The following EML1 variants were observed in gnomAD, a reference collection of about 807,000 sequenced individuals.
EML1 encodes the protein echinoderm microtubule-associated protein-like 1.
Under a neutral mutation model 110.4 loss-of-function variants are expected in EML1, and 27 were observed. The observed-to-expected ratio is 0.24, with a 90% CI of 0.18 to 0.34. The LOEUF is 0.34. Among genes scored for constraint, EML1 ranks in the 10% least tolerant of loss-of-function variants. The pLI is 1.00. For missense variants in EML1, 741 were observed against 1,030.9 expected (o/e 0.72, Z 3.85); for synonymous variants, 344 against 385.8 (o/e 0.89, Z 1.27).
At chr14:99,778,480 TC>T (rs1339500901) in intron 1 of EML1, among the ~76,000 whole-genome samples, 1 of 152,244 alleles carries the variant, frequency 6.6e-6, no homozygotes, top group African/African-American at 2.4e-5. Context: ...GCCTCTGTTA[TC>T]CCACTGTAGT....
chr14:99,865,439 G>A, intron 2 of EML1, 75 bp from the exon 3 acceptor site: 1 of 1,585,822 alleles, frequency 6.3e-7, no homozygotes, highest in Admixed American at 1.7e-5. Context: ...CTAACAGGCA[G>A]TTGAGGACCC....
At chr14:99,853,923 G>A (rs532160775) in intron 2 of EML1, among the ~76,000 whole-genome samples, 10 of 152,186 alleles carry the variant, frequency 6.6e-5, no homozygotes, top group South Asian at 2.1e-4. Flanking sequence ...CGCCTGCCTC[G>A]GCCTCCCAAA....
At chr14:99,764,242 G>A (rs1159603420) in intron 1 of EML1, among the ~76,000 whole-genome samples, 1 of 152,210 alleles carries the variant, frequency 6.6e-6, no homozygotes, top group African/African-American at 2.4e-5. Flanking sequence ...AGCTCACAGA[G>A]GTCTCACAGC....
intron 1 of EML1, among the ~76,000 whole-genome samples, chr14:99,745,490 G>A (rs956857068): frequency 6.6e-6 from 1 of 152,350 alleles, no homozygotes; most frequent in East Asian, 1.9e-4. Flanking sequence ...ATCACACATT[G>A]CTTTGTATGA....
At chr14:99,845,805 C>T (rs1335329059) in intron 1 of EML1, among the ~76,000 whole-genome samples, 1 of 151,968 alleles carries the variant, frequency 6.6e-6, no homozygotes. Context: ...AATCCCAGCA[C>T]TTTGGGAAGC....
chr14:99,838,909 G>GCA (rs2058583754), intron 1 of EML1: 1 of 113,190 alleles, frequency 8.8e-6, no homozygotes, highest in Admixed American at 8.1e-5. Flanking sequence ...TGGGGAGTGC[G>GCA]CGCGCGCGCG....
intron 4 of EML1, among the ~76,000 whole-genome samples, chr14:99,885,062 G>T (rs1231204651): frequency 6.6e-6 from 1 of 152,210 alleles, no homozygotes; most frequent in Non-Finnish European, 1.5e-5. Context: ...CCTCCCTTAG[G>T]CTCTGGAGGC....
intron 1 of EML1, among the ~76,000 whole-genome samples, chr14:99,798,364 T>C (rs931392164): frequency 6.6e-6 from 1 of 151,994 alleles, no homozygotes; most frequent in African/African-American, 2.4e-5. Flanking sequence ...GAATTGGATA[T>C]GTCACCTCCC....
Position 99,936,416 on chromosome 14 carries a change from C to A in EML1, c.2095+82C>A. 7.7e-7 allele frequency: 1 copy of A among 1,297,988 alleles called. No individual in the cohort carries two copies. Among genetic ancestry groups the A allele is most frequent in the Non-Finnish European group, 1.1e-6 (1 of 909,984 alleles). 80.4% of individuals were successfully genotyped at this position (1,297,988 alleles called of 1,614,324 possible). On this transcript the variant is annotated intron_variant, in intron 19 of 21. Transcript: ENST00000262233. The surrounding 1 kb of genome is among the most constrained non-coding windows in gnomAD (Gnocchi z 5.5). Reference sequence around the variant, plus strand: ...GATCCAGGGGGCCTCTGTGAGAACCCACCTCCTGTATGACTTAGGCACGTG... The same window carrying A: ...GATCCAGGGGGCCTCTGTGAGAACCAACCTCCTGTATGACTTAGGCACGTG...
chr14:99,766,712 A>G (rs780333589), intron 1 of EML1, among the ~76,000 whole-genome samples: 3 of 152,220 alleles, frequency 2.0e-5, no homozygotes, highest in Non-Finnish European at 2.9e-5. Flanking sequence ...GTCCGCCCAA[A>G]TCAACATCAA....
chr14:99,805,105 C>T (rs1456476974), intron 1 of EML1, among the ~76,000 whole-genome samples: 3 of 152,190 alleles, frequency 2.0e-5, no homozygotes, highest in African/African-American at 2.4e-5. Flanking sequence ...CACGGGAAAC[C>T]TCAGGGCAGG....
chr14:99,881,947 A>T (rs2059392111), intron 4 of EML1, among the ~76,000 whole-genome samples: 1 of 152,070 alleles, frequency 6.6e-6, no homozygotes, highest in Non-Finnish European at 1.5e-5. Flanking sequence ...CCCATGTCTC[A>T]TTTTCTTTAC....
chr14:99,936,159 T>C lies in EML1; in HGVS notation c.2007+33T>C, dbSNP rs372167829. ...CTGACAGTGGACCTGTCGCTTCTCA[T>C]GCACTGCGTATAGTTTAACTACCGT... On this transcript the variant is annotated intron_variant, in intron 18 of 21. Coordinates refer to ENST00000262233, the MANE Select transcript of EML1 (RefSeq NM_004434.3). The surrounding 1 kb of genome is among the most constrained non-coding windows in gnomAD (Gnocchi z 5.5). 3 of 1,613,052 alleles carry C rather than the reference T, an allele frequency of 1.9e-6. No individual in the cohort carries two copies. The highest frequency in any genetic ancestry group is 8.5e-7 in the Non-Finnish European group (1 of 1,179,138).
At chr14:99,850,552 G>C (rs1256571882) in intron 1 of EML1, among the ~76,000 whole-genome samples, 2 of 152,106 alleles carry the variant, frequency 1.3e-5, no homozygotes, top group Non-Finnish European at 2.9e-5. Flanking sequence ...CCACTGCTAA[G>C]GTTCTCCGGT....
chr14:99,755,241 T>C lies in EML1; in HGVS notation c.28+17381T>C, dbSNP rs2057234919. ...AGCCGGTGACAGGAGCTGAAGGAGA[T>C]GGACCGTGGAGGACAGGCAGCCTCC... On this transcript the variant is annotated intron_variant, in intron 1 of 10. Transcript: ENST00000554479. 2.0e-5 allele frequency among the ~76,000 whole-genome samples: 3 copies of C among 152,180 alleles called. No individual in the cohort carries two copies. In the South Asian group the frequency reaches 6.2e-4, roughly 31 times the overall value.
chr14:99,845,218 A>G (rs2058688880), intron 1 of EML1, among the ~76,000 whole-genome samples: 1 of 152,200 alleles, frequency 6.6e-6, no homozygotes, highest in Admixed American at 6.5e-5. Flanking sequence ...ATAGATGTGT[A>G]ATAATATCTC....
chr14:99,911,101 G>T (rs1416110831), intron 12 of EML1, among the ~76,000 whole-genome samples: 2 of 152,126 alleles, frequency 1.3e-5, no homozygotes, highest in African/African-American at 4.8e-5. Context: ...GGGAACTGAG[G>T]GTAGAGTAAC....
At chr14:99,874,369 ACTTGC>A (rs1231575921) in intron 3 of EML1, among the ~76,000 whole-genome samples, 1 of 152,244 alleles carries the variant, frequency 6.6e-6, no homozygotes, top group African/African-American at 2.4e-5. Context: ...TACAAAAAAT[ACTTGC>A]CTTAAGCACT....
At chr14:99,934,982 C>G (rs2060442225) in intron 17 of EML1, among the ~76,000 whole-genome samples, 1 of 152,132 alleles carries the variant, frequency 6.6e-6, no homozygotes, top group South Asian at 2.1e-4. Context: ...TACCAAGATA[C>G]CCCTGGGAAG....
Sources: allele counts gnomAD v4.1 joint callset (sites outside exome capture counted in the v4.1 genomes callset), GRCh38; gene constraint gnomAD v4.1.1; non-coding constraint Gnocchi (gnomAD v3.1); transcripts MANE v1.5; gene names NCBI Gene and HGNC (gene_info 2026-07-23, HGNC 2026-07-21).